The following RMDN1 variants were observed in gnomAD, a reference collection of about 807,000 sequenced individuals.
RMDN1 encodes the protein regulator of microtubule dynamics protein 1.
RMDN1 carries 48 observed loss-of-function variants against 48.9 expected under a neutral mutation model. That is an observed-to-expected ratio of 0.98 (90% CI 0.78 to 1.25). The LOEUF is 1.25. RMDN1 is among the 50% of genes most tolerant of loss of function. The pLI is 0.00. For synonymous variants in RMDN1, 148 were observed against 132.6 expected (o/e 1.12, Z -0.80); for missense variants, 418 against 373.4 (o/e 1.12, Z -0.98).
At chr8:86,510,321 A>T (rs1819979680), upstream of RMDN1, among the ~76,000 whole-genome samples, 1 of 152,220 alleles carries the variant, frequency 6.6e-6, no homozygotes, top group Non-Finnish European at 1.5e-5. Flanking sequence ...CTATTATTTA[A>T]TATACAAATT....
At chr8:86,478,556 T>A (rs1813793497) in intron 7 of RMDN1, 1 of 173,756 alleles carries the variant, frequency 5.8e-6, no homozygotes, top group Non-Finnish European at 1.2e-5. Context: ...AAGCATCTGC[T>A]TTACTTTTCT....
chr8:86,484,232 T>C lies in RMDN1; in HGVS notation c.585+640A>G, dbSNP rs147192346. On this transcript the variant is annotated intron_variant, in intron 5 of 9. Coordinates refer to ENST00000406452, the MANE Select transcript of RMDN1 (RefSeq NM_016033.3). ...TTCTTGGAAGCCGACTACCATGCTA[T>C]AATGAAGGTTGAGCTAGACAACTAA... is the stretch of plus-strand genomic sequence containing the variant. Among the ~76,000 whole-genome samples the C allele has an allele frequency of 3.3e-3, 497 of 152,310 alleles. 2 individuals carry two copies. The highest frequency in any genetic ancestry group is 0.012 in the African/African-American group (479 of 41,570).
intron 2 of RMDN1, chr8:86,505,213 C>T (rs773834771): frequency 2.8e-4 from 192 of 697,786 alleles, no homozygotes; most frequent in Admixed American, 1.0e-3. Flanking sequence ...CACCTCAAGG[C>T]TGGGGTTTGT....
upstream of RMDN1, among the ~76,000 whole-genome samples, chr8:86,511,828 A>C (rs570711131): frequency 9.9e-3 from 1,433 of 144,902 alleles, 24 homozygotes; most frequent in African/African-American, 0.039. Context: ...AAAAAAAAAA[A>C]AGAAAAAGAA....
intron 2 of RMDN1, among the ~76,000 whole-genome samples, chr8:86,495,430 G>A (rs1817181026): frequency 6.6e-6 from 1 of 152,078 alleles, no homozygotes; most frequent in Non-Finnish European, 1.5e-5. Context: ...GGAGAACAGA[G>A]GGTTTAGCAT....
At chr8:86,510,388 A>T (rs1047962955), upstream of RMDN1, among the ~76,000 whole-genome samples, 25 of 152,178 alleles carry the variant, frequency 1.6e-4, no homozygotes, top group African/African-American at 6.0e-4. Flanking sequence ...TAAATTCAAG[A>T]TCAAATCTTG....
At chr8:86,503,384 A>AC (rs1563656634) in intron 2 of RMDN1, among the ~76,000 whole-genome samples, 9 of 70,428 alleles carry the variant, frequency 1.3e-4, no homozygotes, top group East Asian at 7.5e-4. Flanking sequence ...AAAAAAAAAA[A>AC]AAAAACAAAA....
intron 2 of RMDN1, among the ~76,000 whole-genome samples, chr8:86,493,453 C>CA (rs1265166132): frequency 2.0e-5 from 3 of 151,908 alleles, no homozygotes; most frequent in African/African-American, 7.3e-5. Flanking sequence ...ATGGATTAAA[C>CA]AAAAAAAGTA....
At chr8:86,480,828 A>G (rs948524231) in intron 5 of RMDN1, among the ~76,000 whole-genome samples, 4 of 147,570 alleles carry the variant, frequency 2.7e-5, no homozygotes, top group Non-Finnish European at 6.1e-5. Context: ...TTCTATTTTT[A>G]GAAAGTCTTC....
intron 5 of RMDN1, chr8:86,481,837 T>G (rs531184189): frequency 5.0e-5 from 45 of 903,540 alleles, no homozygotes; most frequent in Non-Finnish European, 6.8e-5. Context: ...GGAAACAGTG[T>G]GTTAGTTGGA....
At chr8:86,483,487 AAAGT>A (rs1414673293) in intron 5 of RMDN1, among the ~76,000 whole-genome samples, 2 of 152,096 alleles carry the variant, frequency 1.3e-5, no homozygotes, top group Non-Finnish European at 2.9e-5. Flanking sequence ...ACTAAGAAAG[AAAGT>A]ATCACTGCCA....
rs1479249073 is a variant in RMDN1 at position 86,473,723 on chromosome 8, G to A, written c.*585C>T. The A allele has an allele frequency of 1.4e-6, 1 of 700,998 alleles. No homozygotes were observed. The highest frequency in any genetic ancestry group is 1.8e-6 in the Non-Finnish European group (1 of 570,596). The allele number at this position is 700,998 out of a possible 1,614,324, so 43.4% of individuals were successfully genotyped here. On this transcript the variant is annotated 3_prime_UTR_variant, in exon 10 of 10. Transcript: ENST00000406452. ...GGAGGCTGCAGTGGGCCGAGATTGT[G>A]CCACTGCACACCAGCCTGGGAAACA... is the stretch of plus-strand genomic sequence containing the variant.
At chr8:86,483,755 T>C (rs927041441) in intron 5 of RMDN1, among the ~76,000 whole-genome samples, 1 of 151,890 alleles carries the variant, frequency 6.6e-6, no homozygotes, top group Non-Finnish European at 1.5e-5. Context: ...ACTATCCCTA[T>C]GTATGTTTCC....
chr8:86,513,110 C>T (rs962565603), upstream of RMDN1, among the ~76,000 whole-genome samples: 2 of 151,596 alleles, frequency 1.3e-5, no homozygotes, highest in Non-Finnish European at 2.9e-5. Context: ...CACGGTGGCT[C>T]ACACCTGTAA....
chr8:86,482,624 C>A, intron 5 of RMDN1: 2 of 768,580 alleles, frequency 2.6e-6, no homozygotes, highest in Non-Finnish European at 4.8e-6. Context: ...CTGAAGCCTC[C>A]CACGAGGTAT....
At chr8:86,508,721 C>A (rs1007297511), upstream of RMDN1, 3 of 1,418,028 alleles carry the variant, frequency 2.1e-6, no homozygotes, top group South Asian at 1.5e-5. Context: ...CGCGCCCGCC[C>A]GCCTCCTGCA....
downstream of RMDN1, among the ~76,000 whole-genome samples, chr8:86,471,178 A>C (rs1812529683): frequency 6.9e-6 from 1 of 145,470 alleles, no homozygotes; most frequent in African/African-American, 2.6e-5. Flanking sequence ...TTGTGAATCT[A>C]TGATTTTTTG....
chr8:86,504,880 T>C, intron 2 of RMDN1: 3 of 1,085,456 alleles, frequency 2.8e-6, no homozygotes, highest in Non-Finnish European at 4.3e-6. Context: ...TTTATTATCT[T>C]CGCCAGCTTC....
upstream of RMDN1, chr8:86,508,765 T>C (rs559243480): frequency 4.4e-6 from 6 of 1,371,878 alleles, no homozygotes; most frequent in East Asian, 8.7e-5. Context: ...CAGCACCTCT[T>C]CCGCCCCCAT....
Sources: allele counts gnomAD v4.1 joint callset (sites outside exome capture counted in the v4.1 genomes callset), GRCh38; gene constraint gnomAD v4.1.1; transcripts MANE v1.5; gene names NCBI Gene and HGNC (gene_info 2026-07-23, HGNC 2026-07-21).